PRIM1: variants seen among roughly 807,000 people sequenced by gnomAD.
PRIM1 encodes the protein DNA primase subunit 1, also known as DNA primase small subunit.
A neutral mutation model predicts 60.2 loss-of-function variants in PRIM1; 38 were observed. The ratio of observed to expected loss-of-function variants is 0.63; its 90% confidence interval spans 0.49 to 0.83. The LOEUF is 0.83. PRIM1 is among the 40% of genes least tolerant of loss of function. The pLI is 0.00. For synonymous variants in PRIM1, 158 were observed against 160.2 expected, an observed-to-expected ratio of 0.99 and a Z score of 0.10; for missense variants, 388 against 506.2, an observed-to-expected ratio of 0.77 and a Z score of 2.24.
rs1244655060 is a variant in PRIM1 at position 56,746,093 on chromosome 12, C to CA, written c.530dup (p.Ser178ValfsTer10). The CA allele has an allele frequency of 5.6e-6, 9 of 1,613,420 alleles. No homozygotes were observed. The highest frequency in any genetic ancestry group is 1.3e-5 in the African/African-American group (1 of 74,894). ...CTATCCCAGAACGTACTGCAGAAGA[C>CA]AGTTTTCTAACTGATTCATCACAGA... On this transcript the variant is annotated frameshift_variant, in exon 5 of 13. Transcript: ENST00000338193. LOFTEE classifies it high-confidence loss of function.
At chr12:56,752,054 G>T in intron 1 of PRIM1, 142 bp downstream of exon 1, 1 of 482,596 alleles carries the variant, frequency 2.1e-6, no homozygotes, top group Non-Finnish European at 3.8e-6. Flanking sequence ...CTATGAAGTG[G>T]TGGGGCGGGC....
Position 56,740,091 on chromosome 12 carries a change from G to A in PRIM1, c.983-728C>T, listed in dbSNP as rs771826619. On this transcript the variant is annotated intron_variant, in intron 9 of 12. Coordinates refer to ENST00000338193, the MANE Select transcript of PRIM1 (RefSeq NM_000946.3). ...GCAGAGGCTGCAGTGAGCCAAGATC[G>A]CGCCACTGTACTCCAGCCTGGGTGA... Among the ~76,000 whole-genome samples the A allele has an allele frequency of 2.1e-4, 32 of 151,856 alleles. No individual in the cohort carries two copies. The highest frequency in any genetic ancestry group is 5.6e-4 in the African/African-American group (23 of 41,406).
rs151143543 is a variant in PRIM1 at position 56,748,698 on chromosome 12, G to A, written c.262-1666C>T. 2.6e-3 allele frequency among the ~76,000 whole-genome samples: 395 copies of A among 151,348 alleles called. 6 individuals carry two copies. The highest frequency in any genetic ancestry group is 0.016 in the Admixed American group (247 of 15,198). On this transcript the variant is annotated intron_variant, in intron 2 of 12. Coordinates refer to ENST00000338193, the MANE Select transcript of PRIM1 (RefSeq NM_000946.3). ...GGTCTGGGTGTGGTAGCTCATGCTTGTAATCCCAGCATTTTGGGAGGCCAA... is the reference window on the plus strand; with the variant it reads ...GGTCTGGGTGTGGTAGCTCATGCTTATAATCCCAGCATTTTGGGAGGCCAA...
chr12:56,736,298 TAAAAAAAAAAAAAAAA>T (rs756452647), intron 11 of PRIM1, among the ~76,000 whole-genome samples: 2 of 24,316 alleles, frequency 8.2e-5, no homozygotes, highest in South Asian at 3.7e-3. Flanking sequence ...ACTCTTTCTC[TAAAAAAAAAAAAAAAA>T]AAAAAAAAAA....
At chr12:56,739,164 A>T in intron 10 of PRIM1, 130 bp downstream of exon 10, 1 of 584,740 alleles carries the variant, frequency 1.7e-6, no homozygotes, top group Non-Finnish European at 2.7e-6. Context: ...CTAACCTTTG[A>T]ACCTTATTTG....
Position 56,746,409 on chromosome 12 carries a change from G to A in PRIM1, c.443-228C>T, listed in dbSNP as rs557081275. ...GCACTCTGGGAGGCCGAGGTGGGCAGATCACGAGGTCAGGAGTTCGAGACC... is the reference window on the plus strand; with the variant it reads ...GCACTCTGGGAGGCCGAGGTGGGCAAATCACGAGGTCAGGAGTTCGAGACC... On this transcript the variant is annotated intron_variant, in intron 4 of 12. Coordinates refer to ENST00000338193, the MANE Select transcript of PRIM1 (RefSeq NM_000946.3). 3 of 658,062 alleles carry A rather than the reference G, an allele frequency of 4.6e-6. No individual in the cohort carries two copies. In the East Asian group the frequency reaches 9.5e-5, roughly 21 times the overall value. The allele number at this position is 658,062 out of a possible 1,614,324, so 40.8% of individuals were successfully genotyped here.
At chr12:56,744,862 C>T (rs193139510) in intron 5 of PRIM1, among the ~76,000 whole-genome samples, 11 of 151,860 alleles carry the variant, frequency 7.2e-5, no homozygotes, top group Non-Finnish European at 1.3e-4. Flanking sequence ...GAGGCTGAGG[C>T]GGGCGGATCA....
At chr12:56,750,746 C>T (rs192187365) in intron 2 of PRIM1, among the ~76,000 whole-genome samples, 32 of 152,192 alleles carry the variant, frequency 2.1e-4, no homozygotes, top group Admixed American at 1.2e-3. Context: ...CGTACCACCA[C>T]GCCCGGCTAA....
chr12:56,746,675 C>CACACAA (rs1491154824), intron 4 of PRIM1, 106 bp downstream of exon 4: 16 of 304,968 alleles, frequency 5.2e-5, no homozygotes, highest in South Asian at 3.7e-4. Context: ...CACACACACA[C>CACACAA]AAATTAATGA....
chr12:56,741,752 T>C lies in PRIM1; in HGVS notation c.834A>G (p.Arg278=), dbSNP rs1953873786. 1.2e-6 allele frequency: 2 copies of C among 1,613,582 alleles called. No individual in the cohort carries two copies. Among genetic ancestry groups the C allele is most frequent in the Non-Finnish European group, 1.7e-6 (2 of 1,179,586 alleles). Residue 278 remains arginine (R), a synonymous_variant, in exon 8 of 13, where the codon AGA becomes AGG. Coordinates refer to ENST00000338193, the MANE Select transcript of PRIM1 (RefSeq NM_000946.3). ...RWEHLKKVAS[R]YQNNIKNDKY... ...AGATTTCAGTGGCATATACCTGATATCTGCTGGCTACTTTCTTCAAGTGCT... is the reference window on the plus strand; with the variant it reads ...AGATTTCAGTGGCATATACCTGATACCTGCTGGCTACTTTCTTCAAGTGCT...
At chr12:56,736,955 A>AT (rs919857537) in intron 11 of PRIM1, among the ~76,000 whole-genome samples, 30 of 147,004 alleles carry the variant, frequency 2.0e-4, no homozygotes, top group East Asian at 8.0e-4. Flanking sequence ...GTCTAGCTAA[A>AT]TTTTTTTTTT....
At chr12:56,750,992 G>C in intron 2 of PRIM1, 46 bp downstream of exon 2, 1 of 1,276,372 alleles carries the variant, frequency 7.8e-7, no homozygotes, top group Non-Finnish European at 1.0e-6. Context: ...CCCATTCTTG[G>C]TTTACAAAAT....
intron 2 of PRIM1, among the ~76,000 whole-genome samples, chr12:56,749,062 G>A (rs1426638095): frequency 6.6e-6 from 1 of 152,130 alleles, no homozygotes; most frequent in African/African-American, 2.4e-5. Flanking sequence ...AGGCTGGAGT[G>A]CAGTGGCGTG....
intron 12 of PRIM1, 127 bp downstream of exon 12, chr12:56,734,020 A>G: frequency 1.6e-6 from 1 of 616,574 alleles, no homozygotes; most frequent in Non-Finnish European, 2.8e-6. Flanking sequence ...TTTCCAAAAC[A>G]TTAAGGATAG....
chr12:56,745,952 A>T (rs899893780), intron 5 of PRIM1, 93 bp downstream of exon 5: 9 of 1,345,640 alleles, frequency 6.7e-6, no homozygotes, highest in Non-Finnish European at 9.0e-6. Flanking sequence ...AAAAAAAAAA[A>T]AAGATAGTTT....
chr12:56,734,566 ATT>A (rs751462193), intron 11 of PRIM1, among the ~76,000 whole-genome samples: 10 of 132,172 alleles, frequency 7.6e-5, no homozygotes, highest in Admixed American at 7.6e-5. Flanking sequence ...TGCCCAACCA[ATT>A]TTTTTTTTTT....
intron 7 of PRIM1, 91 bp from the exon 8 acceptor site, chr12:56,741,928 T>A (rs1953875405): frequency 1.7e-6 from 2 of 1,169,200 alleles, no homozygotes; most frequent in East Asian, 4.7e-5. Context: ...GTCTTACAAA[T>A]ATTCAGAAAG....
intron 11 of PRIM1, among the ~76,000 whole-genome samples, chr12:56,737,416 C>T (rs1435574423): frequency 6.7e-6 from 1 of 150,092 alleles, no homozygotes; most frequent in Non-Finnish European, 1.5e-5. Context: ...ATGGCGTGAT[C>T]TTGGCTCACC....
At chr12:56,743,367 G>A (rs761931663) in intron 6 of PRIM1, 8 of 236,750 alleles carry the variant, frequency 3.4e-5, no homozygotes, top group Non-Finnish European at 4.8e-5. Flanking sequence ...GTTAATATAC[G>A]CAATAAGGGT....
Sources: allele counts gnomAD v4.1 joint callset (sites outside exome capture counted in the v4.1 genomes callset), GRCh38; gene constraint gnomAD v4.1.1; transcripts MANE v1.5; gene names NCBI Gene and HGNC (gene_info 2026-07-23, HGNC 2026-07-21).